TMEM163: variants seen among roughly 807,000 people sequenced by gnomAD.
TMEM163 encodes the protein transmembrane protein 163.
In TMEM163, 17 loss-of-function variants were observed where a neutral mutation model predicts 29.3. That is an observed-to-expected ratio of 0.58 (90% CI 0.40 to 0.87). The LOEUF is 0.87. Among genes scored for constraint, TMEM163 ranks in the 40% least tolerant of loss-of-function variants. The pLI is 0.00. For synonymous variants in TMEM163, 157 were observed against 160.6 expected, an observed-to-expected ratio of 0.98 and a Z score of 0.17; for missense variants, 303 against 381.5, an observed-to-expected ratio of 0.79 and a Z score of 1.71.
At chr2:134,577,647 G>A (rs952337802) in intron 2 of TMEM163, among the ~76,000 whole-genome samples, 1 of 152,108 alleles carries the variant, frequency 6.6e-6, no homozygotes, top group Non-Finnish European at 1.5e-5. Context: ...GGTCTCCGCA[G>A]GTGTTCCCAG....
chr2:134,526,929 A>C (rs1680310327), intron 4 of TMEM163, among the ~76,000 whole-genome samples: 1 of 152,220 alleles, frequency 6.6e-6, no homozygotes, highest in Admixed American at 6.5e-5. Context: ...TGTCTAAAAA[A>C]CAGCACGGTT....
intron 4 of TMEM163, among the ~76,000 whole-genome samples, chr2:134,543,740 A>T (rs1405499399): frequency 6.6e-6 from 1 of 152,330 alleles, no homozygotes; most frequent in South Asian, 2.1e-4. Context: ...AGGCCGATGC[A>T]TTTGGCTCAG....
intron 2 of TMEM163, among the ~76,000 whole-genome samples, chr2:134,556,794 C>T (rs1040855810): frequency 6.6e-6 from 1 of 152,128 alleles, no homozygotes; most frequent in Non-Finnish European, 1.5e-5. Context: ...GTAAGCCAGC[C>T]TAGGCAACAG....
At chr2:134,641,314 C>A (rs1253726244) in intron 2 of TMEM163, among the ~76,000 whole-genome samples, 1 of 152,156 alleles carries the variant, frequency 6.6e-6, no homozygotes, top group African/African-American at 2.4e-5. Flanking sequence ...CTGATTCCCA[C>A]CTCACACCAT....
chr2:134,707,620 G>A (rs1369082657), intron 2 of TMEM163, among the ~76,000 whole-genome samples: 1 of 152,160 alleles, frequency 6.6e-6, no homozygotes, highest in Non-Finnish European at 1.5e-5. Flanking sequence ...AGGGACATGG[G>A]CAGAAGAGGC....
intron 4 of TMEM163, among the ~76,000 whole-genome samples, chr2:134,514,855 T>C (rs1038102511): frequency 6.6e-6 from 1 of 152,196 alleles, no homozygotes; most frequent in Admixed American, 6.5e-5. Flanking sequence ...GCACAATTGG[T>C]TTGGCCTCAT....
chr2:134,693,670 C>T (rs1285098613), intron 2 of TMEM163, among the ~76,000 whole-genome samples: 1 of 132,374 alleles, frequency 7.6e-6, no homozygotes, highest in African/African-American at 2.8e-5. Context: ...CTTTTAAAAA[C>T]AAATCAACCT....
chr2:134,707,064 C>A (rs1436973306), intron 2 of TMEM163, among the ~76,000 whole-genome samples: 1 of 152,230 alleles, frequency 6.6e-6, no homozygotes, highest in Non-Finnish European at 1.5e-5. Context: ...CCACAGGGAG[C>A]ACTTTATCCC....
At chr2:134,568,727 C>G (rs1051069315) in intron 2 of TMEM163, among the ~76,000 whole-genome samples, 13 of 151,032 alleles carry the variant, frequency 8.6e-5, no homozygotes, top group South Asian at 6.3e-4. Flanking sequence ...AACAAAGAAA[C>G]AAAGAAAGAA....
chr2:134,644,778 A>G (rs1683298302), intron 2 of TMEM163, among the ~76,000 whole-genome samples: 1 of 152,184 alleles, frequency 6.6e-6, no homozygotes, highest in East Asian at 1.9e-4. Context: ...TGACTTCACC[A>G]AAATGAAAAA....
intron 2 of TMEM163, among the ~76,000 whole-genome samples, chr2:134,596,673 G>A (rs1682091357): frequency 6.6e-6 from 1 of 152,104 alleles, no homozygotes; most frequent in Non-Finnish European, 1.5e-5. Flanking sequence ...GCTTGATGGG[G>A]ATGGCATTGA....
chr2:134,507,413 C>T (rs546086566), intron 4 of TMEM163, among the ~76,000 whole-genome samples: 2 of 152,080 alleles, frequency 1.3e-5, no homozygotes, highest in Admixed American at 6.5e-5. Flanking sequence ...GTGTGGTCCA[C>T]GAATCAGCAG....
chr2:134,568,250 C>T (rs569216751), intron 2 of TMEM163, among the ~76,000 whole-genome samples: 29 of 152,216 alleles, frequency 1.9e-4, no homozygotes, highest in South Asian at 1.2e-3. Flanking sequence ...GAAGGCAGGG[C>T]GTGGTGGCTC....
chr2:134,522,404 A>G (rs543594086), intron 4 of TMEM163, among the ~76,000 whole-genome samples: 6 of 152,382 alleles, frequency 3.9e-5, no homozygotes, highest in African/African-American at 1.4e-4. Flanking sequence ...CCAGCTGCTA[A>G]GAGAGCACCT....
chr2:134,678,630 G>C (rs883964), intron 2 of TMEM163, among the ~76,000 whole-genome samples: 95,196 of 151,996 alleles, frequency 0.63, 30,777 homozygotes, highest in African/African-American at 0.72. Flanking sequence ...TGGGCTCAAG[G>C]CCCGTCTCTG....
intron 5 of TMEM163, among the ~76,000 whole-genome samples, chr2:134,483,835 T>C (rs1679257153): frequency 6.6e-6 from 1 of 152,190 alleles, no homozygotes; most frequent in Non-Finnish European, 1.5e-5. Flanking sequence ...AGAGAAAACA[T>C]GATTTTTGAG....
In TMEM163 at chr2:134,592,543, G is replaced by T. The variant is rs536859078; in HGVS notation, c.323-40452C>A. Among the ~76,000 whole-genome samples, 103 of 152,228 alleles carry T rather than the reference G, an allele frequency of 6.8e-4. 1 individual carries two copies. Among genetic ancestry groups the T allele is most frequent in the Admixed American group, 2.2e-3 (33 of 15,282 alleles). On this transcript the variant is annotated intron_variant, in intron 2 of 7. Transcript: ENST00000281924. The stretch of plus-strand genomic sequence containing the variant: ...TCAGTGTTAGGATCTCTATTTTAAT[G>T]TTAATGCTGGTCAGCTATGCCTAAG...
intron 2 of TMEM163, among the ~76,000 whole-genome samples, chr2:134,635,318 G>A (rs1280810861): frequency 3.9e-5 from 6 of 152,056 alleles, no homozygotes; most frequent in Non-Finnish European, 8.8e-5. Flanking sequence ...TTGGCTCTGT[G>A]CATCCCTGAG....
intron 2 of TMEM163, among the ~76,000 whole-genome samples, chr2:134,604,177 C>T (rs982668405): frequency 1.3e-5 from 2 of 152,130 alleles, no homozygotes; most frequent in African/African-American, 4.8e-5. Context: ...TGAAACCTCC[C>T]ATGAAAAGCA....
Sources: allele counts gnomAD v4.1 joint callset (sites outside exome capture counted in the v4.1 genomes callset), GRCh38; gene constraint gnomAD v4.1.1; transcripts MANE v1.5; gene names NCBI Gene and HGNC (gene_info 2026-07-23, HGNC 2026-07-21).